The following SGCD variants were observed in gnomAD, a reference collection of about 807,000 sequenced individuals.
The protein encoded by SGCD is delta-sarcoglycan.
In SGCD, 18 loss-of-function variants were observed where a neutral mutation model predicts 36.6. That is an observed-to-expected ratio of 0.49 (90% CI 0.34 to 0.73). The LOEUF is 0.73. Among genes scored for constraint, SGCD ranks in the 30% least tolerant of loss-of-function variants. SGCD has a pLI of 0.01. For missense variants in SGCD, 387 were observed against 346.7 expected (o/e 1.12, Z -0.92); for synonymous variants, 133 against 130.6 (o/e 1.02, Z -0.12).
At chr5:156,549,494 A>T (rs1284914620) in intron 4 of SGCD, among the ~76,000 whole-genome samples, 2 of 152,240 alleles carry the variant, frequency 1.3e-5, no homozygotes, top group Non-Finnish European at 2.9e-5. Context: ...CAAAGTGAGG[A>T]TGGAGAACTA....
rs139664247 is a variant in SGCD, at chr5:155,955,428, A to G, written c.-282+85004A>G. ...AGGGTTGGCTTATAGTTAATCATAT[A>G]CAACACAGCATGAAATAGTTCAGAT... On this transcript the variant is annotated intron_variant, in intron 1 of 9. Transcript: ENST00000517913. Among the ~76,000 whole-genome samples the G allele has an allele frequency of 2.9e-3, 440 of 152,276 alleles. 1 individual carries two copies. The highest frequency in any genetic ancestry group is 4.5e-3 in the Admixed American group (69 of 15,280).
rs138890758 is a variant in SGCD at position 155,882,372 on chromosome 5, C to A, written c.-282+11948C>A. 2.2e-4 allele frequency among the ~76,000 whole-genome samples: 34 copies of A among 152,274 alleles called. 1 individual carries two copies. The East Asian group carries it at 6.6e-3, about 29-fold the overall frequency. ...GAGATTACAGACATGAGCCACTGTTCCTGGCCACAAATGTTCCTAATGACA... is the reference window on the plus strand; with the variant it reads ...GAGATTACAGACATGAGCCACTGTTACTGGCCACAAATGTTCCTAATGACA... On this transcript the variant is annotated intron_variant, in intron 1 of 9. Coordinates refer to the SGCD transcript ENST00000517913.
chr5:156,578,226 G>T (rs1273833402), intron 4 of SGCD, among the ~76,000 whole-genome samples: 1 of 152,124 alleles, frequency 6.6e-6, no homozygotes, highest in South Asian at 2.1e-4. Context: ...TTATTGATTT[G>T]CATATGTTGA....
intron 3 of SGCD, among the ~76,000 whole-genome samples, chr5:156,221,929 T>C (rs966374393): frequency 1.3e-5 from 2 of 152,166 alleles, no homozygotes; most frequent in East Asian, 3.9e-4. Flanking sequence ...AAACTTGACT[T>C]TTCATTTTCT....
chr5:156,065,339 G>A (rs1760312970), intron 1 of SGCD, among the ~76,000 whole-genome samples: 1 of 104,064 alleles, frequency 9.6e-6, no homozygotes, highest in Non-Finnish European at 1.9e-5. Flanking sequence ...ATTTGCTGAG[G>A]AGAGCTTTAC....
At chr5:155,826,418 T>C in the SGCD span, among the ~76,000 whole-genome samples, 1 of 152,238 alleles carries the variant, frequency 6.6e-6, no homozygotes, top group South Asian at 2.1e-4. Flanking sequence ...TTTACTGTGA[T>C]GGTCTACAAG....
intron 7 of SGCD, among the ~76,000 whole-genome samples, chr5:156,701,231 G>C (rs978555190): frequency 1.2e-4 from 18 of 152,126 alleles, no homozygotes; most frequent in Admixed American, 1.1e-3. Context: ...ATTTGCTACT[G>C]TCTTTGCTGT....
intron 1 of SGCD, among the ~76,000 whole-genome samples, chr5:156,034,961 T>C (rs1759451522): frequency 1.3e-5 from 2 of 152,226 alleles, no homozygotes. Flanking sequence ...TATTTTCTTT[T>C]TGTGAACACC....
intron 1 of SGCD, among the ~76,000 whole-genome samples, chr5:156,045,503 G>T (rs564745923): frequency 1.9e-4 from 29 of 152,086 alleles, no homozygotes; most frequent in Non-Finnish European, 3.7e-4. Flanking sequence ...GACCACACAG[G>T]CATCTGATTG....
intron 7 of SGCD, among the ~76,000 whole-genome samples, chr5:156,734,939 C>T (rs891121388): frequency 1.3e-5 from 2 of 152,164 alleles, no homozygotes; most frequent in African/African-American, 4.8e-5. Flanking sequence ...TTTGAGTTTT[C>T]AGTGGTTTTG....
chr5:156,741,483 G>A (rs539214817), intron 7 of SGCD, among the ~76,000 whole-genome samples: 1 of 152,318 alleles, frequency 6.6e-6, no homozygotes, highest in South Asian at 2.1e-4. Flanking sequence ...AATTTGAGCT[G>A]AGCAGAAGTT....
At chr5:155,926,688 A>G (rs1006740076) in intron 1 of SGCD, among the ~76,000 whole-genome samples, 1 of 152,216 alleles carries the variant, frequency 6.6e-6, no homozygotes, top group Non-Finnish European at 1.5e-5. Context: ...TGCAAACAGG[A>G]AATATTCCAT....
In SGCD at chr5:155,950,961, G is replaced by T. The variant is rs149922873; in HGVS notation, c.-282+80537G>T. On this transcript the variant is annotated intron_variant, in intron 1 of 9. Coordinates refer to the SGCD transcript ENST00000517913. ...TTAGGAATTGCATGTGAGCTGGGAG[G>T]CTCCTTTAATGTACTGCTCACTTCT... Among the ~76,000 whole-genome samples, 34 of 152,184 alleles carry T rather than the reference G, an allele frequency of 2.2e-4. No homozygotes were observed. In the South Asian group the frequency reaches 5.8e-3, roughly 26 times the overall value.
intron 6 of SGCD, among the ~76,000 whole-genome samples, chr5:156,600,910 T>C (rs952337726): frequency 6.6e-6 from 1 of 152,208 alleles, no homozygotes; most frequent in African/African-American, 2.4e-5. Flanking sequence ...TATATTTAAA[T>C]GGTTAATGAT....
At chr5:156,187,585 A>T (rs1763794101) in intron 3 of SGCD, among the ~76,000 whole-genome samples, 1 of 143,852 alleles carries the variant, frequency 7.0e-6, no homozygotes, top group South Asian at 2.3e-4. Context: ...TGTAAACACG[A>T]ATACTGATAG....
At chr5:156,608,600 G>C (rs1216238017) in intron 6 of SGCD, among the ~76,000 whole-genome samples, 1 of 152,136 alleles carries the variant, frequency 6.6e-6, no homozygotes, top group East Asian at 1.9e-4. Flanking sequence ...GGATATCCTT[G>C]TTAACTTTCT....
At chr5:156,629,661 G>T (rs747070197) in intron 6 of SGCD, among the ~76,000 whole-genome samples, 1 of 152,112 alleles carries the variant, frequency 6.6e-6, no homozygotes, top group Non-Finnish European at 1.5e-5. Flanking sequence ...TTAGGTTTAT[G>T]GACCACAGGG....
intron 7 of SGCD, among the ~76,000 whole-genome samples, chr5:156,741,697 C>T (rs1422235591): frequency 1.3e-5 from 2 of 152,052 alleles, no homozygotes; most frequent in Admixed American, 6.6e-5. Context: ...GGCTTTGCCT[C>T]GTGTCTAACT....
intron 1 of SGCD, among the ~76,000 whole-genome samples, chr5:155,884,388 C>T (rs1213577334): frequency 7.9e-5 from 12 of 152,200 alleles, no homozygotes; most frequent in Non-Finnish European, 1.2e-4. Flanking sequence ...TGCCACGATG[C>T]CTGGGAGCCT....
Sources: gnomAD v4.1 joint callset for allele counts (sites outside exome capture counted in the v4.1 genomes callset) on GRCh38, gnomAD v4.1.1 for gene constraint, MANE v1.5 for transcripts, NCBI Gene and HGNC (gene_info 2026-07-23, HGNC 2026-07-21) for gene names.